Variants in HKDC1 observed in about 807,000 individuals in gnomAD.
HKDC1 encodes hexokinase HKDC1.
HKDC1 carries 66 observed loss-of-function variants against 96.6 expected under a neutral mutation model. That is an observed-to-expected ratio of 0.68 (90% CI 0.56 to 0.84). The LOEUF (loss-of-function observed/expected upper bound fraction) is 0.84, where lower values mean the gene tolerates loss of function less well. HKDC1 is among the 40% of genes least tolerant of loss of function. The probability of loss-of-function intolerance (pLI) is 0.00; values close to 1 mark genes in which losing one functional copy is unlikely to be tolerated. For synonymous variants in HKDC1, 466 were observed against 473.1 expected, an observed-to-expected ratio of 0.98 and a Z score of 0.20; for missense variants, 1,211 against 1,208.1, an observed-to-expected ratio of 1.00 and a Z score of -0.04.
rs911812441 is a variant in HKDC1, at chr10:69,229,462, C to T, written c.226+2093C>T. On this transcript the variant is annotated intron_variant, in intron 2 of 17. Transcript: ENST00000354624. ...TCCTTGCCACAGCTTGACGAGAGTA[C>T]TGGGACGTGTCCTTGACAGGGCATC... Among the ~76,000 whole-genome samples, 3 of 152,182 alleles carry T rather than the reference C, an allele frequency of 2.0e-5. No homozygotes were observed. In the East Asian group the frequency reaches 5.8e-4, roughly 29 times the overall value.
chr10:69,231,136 C>T (rs1006925221), intron 2 of HKDC1, among the ~76,000 whole-genome samples: 7 of 152,186 alleles, frequency 4.6e-5, no homozygotes, highest in Non-Finnish European at 8.8e-5. Flanking sequence ...TGGGATGCCT[C>T]CACACCGACA....
Position 69,246,158 on chromosome 10 carries a change from C to T in HKDC1, c.955C>T (p.Leu319=), listed in dbSNP as rs1224742656. 2 of 1,614,228 alleles carry T rather than the reference C, an allele frequency of 1.2e-6. No homozygotes were observed. The highest frequency in any genetic ancestry group is 1.7e-6 in the Non-Finnish European group (2 of 1,180,046). The change falls in exon 8 of 18, where the codon CTG becomes TTG. Residue 319 remains leucine (L), a synonymous_variant. Coordinates refer to ENST00000354624, the MANE Select transcript of HKDC1 (RefSeq NM_025130.4). ...GCTGAAGATGGCCAAGGCTGGCCTC[C>T]TGTTTGGTGGTGAGAAATCTTCTGC... is the stretch of plus-strand genomic sequence containing the variant. ...ILLKMAKAGL[L]FGGEKSSALH...
intron 15 of HKDC1, 42 bp downstream of exon 15, chr10:69,259,001 G>GTTGTT: frequency 7.0e-7 from 1 of 1,432,522 alleles, no homozygotes; most frequent in Non-Finnish European, 9.3e-7. Flanking sequence ...GTTGTGTAGT[G>GTTGTT]AACAACACTA....
In HKDC1 at chr10:69,248,515, G is replaced by A. The variant is rs1843580377; in HGVS notation, c.1357G>A (p.Ala453Thr). The A allele has an allele frequency of 1.9e-6, 3 of 1,613,096 alleles. No individual in the cohort carries two copies. The highest frequency in any genetic ancestry group is 1.3e-5 in the African/African-American group (1 of 74,934). ...GTCAGAGAGTGGCAGCACCAAGGGG[G>A]CCGCCATGGTGACCGCGGTGGCCTC... ...LLSESGSTKG[A>T]AMVTAVASRV... Residue 453 changes from alanine (A) to threonine (T), a missense_variant, in exon 10 of 18, where the codon GCC (alanine) becomes ACC (threonine). Transcript: ENST00000354624.
intron 10 of HKDC1, 43 bp downstream of exon 10, chr10:69,248,771 T>C: frequency 6.6e-7 from 1 of 1,521,128 alleles, no homozygotes; most frequent in Non-Finnish European, 8.8e-7. Context: ...CATCCAGGGC[T>C]CCCGTCAAAA....
chr10:69,260,141 G>A (rs1047428715), intron 15 of HKDC1, among the ~76,000 whole-genome samples: 1 of 152,220 alleles, frequency 6.6e-6, no homozygotes, highest in Non-Finnish European at 1.5e-5. Context: ...TCCAAGTTGA[G>A]AGCTTGAGCA....
intron 1 of HKDC1, among the ~76,000 whole-genome samples, chr10:69,221,986 C>CCAAGGTGGGTGGAT (rs1203632082): frequency 1.3e-5 from 2 of 151,934 alleles, no homozygotes; most frequent in African/African-American, 4.8e-5. Context: ...CTTTGGGAGG[C>CCAAGGTGGGTGGAT]CAAGGTGGGT....
chr10:69,266,745 G>A lies in HKDC1; in HGVS notation c.2742G>A (p.Gln914=), dbSNP rs1439811837. 3.1e-6 allele frequency: 5 copies of A among 1,612,014 alleles called. No homozygotes were observed. Among genetic ancestry groups the A allele is most frequent in the Non-Finnish European group, 4.2e-6 (5 of 1,179,404 alleles). Residue 914 remains glutamine, a synonymous_variant, in exon 18 of 18, where the codon CAG becomes CAA. Transcript: ENST00000354624. Reference sequence around the variant, plus strand: ...TGGCCAAGAGGTTACAGCAGGCACAGAAGGAGAACTAGGAACCCCTGGGAT... The same window carrying A: ...TGGCCAAGAGGTTACAGCAGGCACAAAAGGAGAACTAGGAACCCCTGGGAT... ...TAVAKRLQQA[Q]KEN
At chr10:69,237,307 GTGTGTGTGTGTT>G (rs1843377632) in intron 4 of HKDC1, among the ~76,000 whole-genome samples, 2 of 133,162 alleles carry the variant, frequency 1.5e-5, no homozygotes, top group African/African-American at 5.9e-5. Context: ...GTGTGTGTGT[GTGTGTGTGTGTT>G]TTCTGATAAT....
At chr10:69,235,869 G>A (rs72814208) in intron 4 of HKDC1, among the ~76,000 whole-genome samples, 17,433 of 152,080 alleles carry the variant, frequency 0.11, 1,145 homozygotes, top group Middle Eastern at 0.19. Flanking sequence ...ACTGTACCTC[G>A]CGCTGTGCCA....
chr10:69,258,959 GGTGAAGAGGGTGGAT>G lies in HKDC1; in HGVS notation c.2216+4_2216+18del, dbSNP rs1416077329. ...GGGTCCTTGAATCCTGGCAAGCAGA[GGTGAAGAGGGTGGAT>G]GTGTGCATTTATGTGGGTTGTGTAG... On this transcript the variant is annotated splice_donor_variant and splice_donor_5th_base_variant and intron_variant, in intron 15 of 17. Transcript: ENST00000354624. LOFTEE classifies it high-confidence loss of function. The G allele has an allele frequency of 2.6e-6, 4 of 1,561,808 alleles. No individual in the cohort carries two copies. Among genetic ancestry groups the G allele is most frequent in the Non-Finnish European group, 3.5e-6 (4 of 1,156,232 alleles).
intron 1 of HKDC1, among the ~76,000 whole-genome samples, chr10:69,221,065 G>A (rs900945288): frequency 3.3e-5 from 5 of 152,042 alleles, no homozygotes; most frequent in South Asian, 2.1e-4. Context: ...CAGGAGAATC[G>A]CTTGAACCCA....
intron 2 of HKDC1, among the ~76,000 whole-genome samples, chr10:69,227,798 CT>C (rs1169637035): frequency 1.3e-5 from 2 of 152,180 alleles, no homozygotes; most frequent in Admixed American, 6.5e-5. Flanking sequence ...GGTCCAAGGT[CT>C]TACCACAGTG....
rs1455067947 is a variant in HKDC1, at chr10:69,265,717, T to G, written c.2505T>G (p.Ala835=). Residue 835 remains alanine, a synonymous_variant, in exon 17 of 18, where the codon GCT becomes GCG. Coordinates refer to ENST00000354624, the MANE Select transcript of HKDC1 (RefSeq NM_025130.4). ...VSRRAAQLCG[A]GLAAIVEKRR... Reference sequence around the variant, plus strand: ...GGCGGGCGGCCCAGCTCTGCGGTGCTGGCCTGGCCGCTATAGTGGAAAAAA... The same window carrying G: ...GGCGGGCGGCCCAGCTCTGCGGTGCGGGCCTGGCCGCTATAGTGGAAAAAA... 6.2e-7 allele frequency: 1 copy of G among 1,613,314 alleles called. No individual in the cohort carries two copies. The highest frequency in any genetic ancestry group is 8.5e-7 in the Non-Finnish European group (1 of 1,179,860).
intron 13 of HKDC1, 36 bp downstream of exon 13, chr10:69,257,167 C>A: frequency 1.1e-5 from 17 of 1,572,494 alleles, no homozygotes; most frequent in Non-Finnish European, 1.5e-5. Flanking sequence ...CCTGCTCTTG[C>A]TGCCTTCCCC....
rs778394034 is a variant in HKDC1, at chr10:69,261,260, A to G, written c.2338A>G (p.Ile780Val). Residue 780 changes from isoleucine to valine, a missense_variant, in exon 16 of 18, where the codon ATC becomes GTC. Ile to Val is a conservative substitution (Grantham distance 29). Coordinates refer to ENST00000354624, the MANE Select transcript of HKDC1 (RefSeq NM_025130.4). ...TTCAGAGCGTCTCCGGACCAGGGGC[A>G]TCTTCGAAACCAAGTTCCTGTCCCA... ...QISERLRTRG[I>V]FETKFLSQIE... 6.2e-7 allele frequency: 1 copy of G among 1,614,154 alleles called. No homozygotes were observed. The highest frequency in any genetic ancestry group is 8.5e-7 in the Non-Finnish European group (1 of 1,180,008).
chr10:69,228,293 A>T (rs1234853786), intron 2 of HKDC1, among the ~76,000 whole-genome samples: 4 of 152,128 alleles, frequency 2.6e-5, no homozygotes, highest in Admixed American at 2.6e-4. Flanking sequence ...CAACATTTAA[A>T]GATCCTGTGA....
chr10:69,222,593 T>C (rs1464002081), intron 1 of HKDC1, among the ~76,000 whole-genome samples: 1 of 152,174 alleles, frequency 6.6e-6, no homozygotes, highest in Non-Finnish European at 1.5e-5. Flanking sequence ...ATGCGGGACA[T>C]GTTTGTCCAA....
intron 1 of HKDC1, among the ~76,000 whole-genome samples, chr10:69,226,608 T>G (rs1843159884): frequency 1.3e-5 from 2 of 151,070 alleles, no homozygotes; most frequent in African/African-American, 4.9e-5. Flanking sequence ...TGAGCCGAGA[T>G]CTCATCACTG....
Sources: gnomAD v4.1 joint callset for allele counts (sites outside exome capture counted in the v4.1 genomes callset) on GRCh38, gnomAD v4.1.1 for gene constraint, MANE v1.5 for transcripts, NCBI Gene and HGNC (gene_info 2026-07-23, HGNC 2026-07-21) for gene names.